ARHGEF10L: variants seen among roughly 807,000 people sequenced by gnomAD.
ARHGEF10L encodes Rho guanine nucleotide exchange factor 10 like, also known as rho guanine nucleotide exchange factor 10-like protein.
A neutral mutation model predicts 141.2 loss-of-function variants in ARHGEF10L; 69 were observed. The ratio of observed to expected loss-of-function variants is 0.49; its 90% CI spans 0.40 to 0.60. The LOEUF (loss-of-function observed/expected upper bound fraction) is 0.60. Ranked by LOEUF, ARHGEF10L falls within the 20% of genes least tolerant of loss-of-function variation. ARHGEF10L has a pLI of 0.00. For synonymous variants in ARHGEF10L, 711 were observed against 718.5 expected (o/e 0.99, Z 0.17); for missense variants, 1,482 against 1,734.3 (o/e 0.85, Z 2.58).
chr1:17,627,548 A>C lies in ARHGEF10L; in HGVS notation c.1584+45A>C, dbSNP rs2060454931. The stretch of plus-strand genomic sequence containing the variant: ...TGCCTGCCCTCACCTGCCTGCCCTC[A>C]CCTGTGCTCCTGCCCGTGCCCCTGC... On this transcript the variant is annotated intron_variant, in intron 15 of 28. Transcript: ENST00000361221. This position sits in a 1 kb window ranked among gnomAD's most constrained non-coding sequence, Gnocchi z 4.0. 1.3e-6 allele frequency: 2 copies of C among 1,591,714 alleles called. No homozygotes were observed. Among genetic ancestry groups the C allele is most frequent in the African/African-American group, 2.7e-5 (2 of 74,466 alleles).
chr1:17,514,522 G>A, the ARHGEF10L span, among the ~76,000 whole-genome samples: 1 of 152,110 alleles, frequency 6.6e-6, no homozygotes, highest in Non-Finnish European at 1.5e-5. Context: ...TATGCCTGCT[G>A]GGATCCATCC....
At chr1:17,655,740 G>T (rs1249079984) in intron 23 of ARHGEF10L, 139 bp from the exon 24 acceptor site, 2 of 756,736 alleles carry the variant, frequency 2.6e-6, no homozygotes, top group Admixed American at 5.6e-5. Flanking sequence ...AATGACCTTT[G>T]TGAAGGCAGG....
At chr1:17,626,539 C>T (rs978949763) in intron 14 of ARHGEF10L, among the ~76,000 whole-genome samples, 1 of 152,160 alleles carries the variant, frequency 6.6e-6, no homozygotes, top group Non-Finnish European at 1.5e-5. Flanking sequence ...GCTGAGGGGT[C>T]CGGTGGCACA....
intron 26 of ARHGEF10L, among the ~76,000 whole-genome samples, chr1:17,682,144 A>G (rs773769527): frequency 2.6e-5 from 4 of 152,032 alleles, no homozygotes; most frequent in Non-Finnish European, 5.9e-5. Context: ...CTTGCTTTTC[A>G]TCTGTGAGAA....
intron 11 of ARHGEF10L, among the ~76,000 whole-genome samples, chr1:17,622,707 G>A (rs984534128): frequency 2.0e-5 from 3 of 152,152 alleles, no homozygotes; most frequent in Admixed American, 6.5e-5. Flanking sequence ...GCAGAGCTTC[G>A]CCCTCAGGCC....
At chr1:17,683,076 C>G (rs1034695327) in intron 26 of ARHGEF10L, among the ~76,000 whole-genome samples, 1 of 152,040 alleles carries the variant, frequency 6.6e-6, no homozygotes, top group African/African-American at 2.4e-5. Context: ...GGGCTTCCCC[C>G]CTGCTCTCAC....
At chr1:17,596,485 T>TC (rs1182159867) in intron 4 of ARHGEF10L, among the ~76,000 whole-genome samples, 1 of 152,268 alleles carries the variant, frequency 6.6e-6, no homozygotes, top group African/African-American at 2.4e-5. Flanking sequence ...TCCTTTCTAG[T>TC]CCCATCCCCA....
In ARHGEF10L at chr1:17,627,365, C is replaced by T. The variant is rs752720473; in HGVS notation, c.1446C>T (p.Asp482=). Residue 482 remains aspartate, a synonymous_variant, in exon 15 of 29, where the codon GAC becomes GAT. Coordinates refer to ENST00000361221, the MANE Select transcript of ARHGEF10L (RefSeq NM_018125.4). The surrounding 1 kb of genome is among the most constrained non-coding windows in gnomAD (Gnocchi z 4.0). ...MLKNTPRGHP[D]RLSLQLALTE... is the part of the protein sequence containing the mutation. ...AGAACACCCCCAGGGGCCATCCGGA[C>T]AGGCTGTCGCTGCAGCTGGCCCTCA... 17 of 1,613,968 alleles carry T rather than the reference C, an allele frequency of 1.1e-5. No homozygotes were observed. Among genetic ancestry groups the T allele is most frequent in the Non-Finnish European group, 1.4e-5 (16 of 1,180,040 alleles).
At chr1:17,597,556 G>T (rs2080236242) in intron 4 of ARHGEF10L, among the ~76,000 whole-genome samples, 1 of 152,176 alleles carries the variant, frequency 6.6e-6, no homozygotes, top group Non-Finnish European at 1.5e-5. Flanking sequence ...TCCCCTGCCT[G>T]GGAAGCCCTT....
chr1:17,534,145 C>T, the ARHGEF10L span, among the ~76,000 whole-genome samples: 9 of 151,306 alleles, frequency 5.9e-5, no homozygotes, highest in East Asian at 9.8e-4. Flanking sequence ...TTTTTTGAGA[C>T]GGAGTCTCAC....
At chr1:17,684,937 T>C (rs1021005942) in intron 26 of ARHGEF10L, among the ~76,000 whole-genome samples, 2 of 152,148 alleles carry the variant, frequency 1.3e-5, no homozygotes, top group Non-Finnish European at 2.9e-5. Context: ...AGCAATTTCC[T>C]TGGACAGCTC....
chr1:17,574,772 T>C (rs1165993404), intron 1 of ARHGEF10L, among the ~76,000 whole-genome samples: 1 of 152,248 alleles, frequency 6.6e-6, no homozygotes, highest in Non-Finnish European at 1.5e-5. Flanking sequence ...TGAGAAGAGC[T>C]GTGGGCATCT....
intron 26 of ARHGEF10L, among the ~76,000 whole-genome samples, chr1:17,677,951 C>T (rs1003336747): frequency 2.0e-5 from 3 of 152,208 alleles, no homozygotes; most frequent in Non-Finnish European, 4.4e-5. Flanking sequence ...GCCTCCCTGT[C>T]CTCTCTGACT....
intron 22 of ARHGEF10L, among the ~76,000 whole-genome samples, chr1:17,649,859 C>A (rs753095524): frequency 3.3e-5 from 5 of 152,134 alleles, no homozygotes; most frequent in Non-Finnish European, 5.9e-5. Context: ...AGTAGACAAA[C>A]CCACACAGAG....
At chr1:17,544,994 A>G (rs1194810986) in intron 1 of ARHGEF10L, among the ~76,000 whole-genome samples, 3 of 152,110 alleles carry the variant, frequency 2.0e-5, no homozygotes, top group Non-Finnish European at 4.4e-5. Context: ...CTGTGATTCA[A>G]TTACCTCCCA....
At chr1:17,515,325 ACTGTG>A in the ARHGEF10L span, among the ~76,000 whole-genome samples, 2 of 144,396 alleles carry the variant, frequency 1.4e-5, no homozygotes, top group African/African-American at 5.2e-5. Context: ...ACAGAGTCTC[ACTGTG>A]CTGCCCAGGC....
Position 17,610,194 on chromosome 1 carries a change from G to A in ARHGEF10L, c.609+2217G>A, listed in dbSNP as rs187978674. On this transcript the variant is annotated intron_variant, in intron 7 of 28. Transcript: ENST00000361221. ...AACTGATTGAATCACAGATGCCAGG[G>A]CCTCACCAGGGACTCTGATTCAGGG... Among the ~76,000 whole-genome samples, 130 of 152,322 alleles carry A rather than the reference G, an allele frequency of 8.5e-4. 1 individual carries two copies. The highest frequency in any genetic ancestry group is 3.0e-3 in the African/African-American group (125 of 41,566).
intron 28 of ARHGEF10L, 44 bp from the exon 29 acceptor site, chr1:17,696,804 G>T (rs765801153): frequency 1.3e-6 from 2 of 1,502,800 alleles, no homozygotes; most frequent in South Asian, 1.4e-5. Flanking sequence ...CCCTTAATGC[G>T]CTGGGCCTTT....
At chr1:17,696,751 A>G in intron 28 of ARHGEF10L, 97 bp from the exon 29 acceptor site, 2 of 1,320,546 alleles carry the variant, frequency 1.5e-6, no homozygotes, top group South Asian at 1.7e-5. Context: ...ACCCCCCCAA[A>G]TACCCACCCA....
Sources: allele counts gnomAD v4.1 joint callset (sites outside exome capture counted in the v4.1 genomes callset), GRCh38; gene constraint gnomAD v4.1.1; non-coding constraint Gnocchi (gnomAD v3.1); transcripts MANE v1.5; gene names NCBI Gene and HGNC (gene_info 2026-07-23, HGNC 2026-07-21).